Variants in ZNF577 observed in about 807,000 individuals in gnomAD.
ZNF577 encodes the protein zinc finger protein 577.
In ZNF577, 14 loss-of-function variants were observed where a neutral mutation model predicts 13.9. The observed-to-expected ratio is 1.00, with a 90% CI of 0.66 to 1.57. ZNF577 has a LOEUF of 1.57. ZNF577 is among the 40% of genes most tolerant of loss of function. ZNF577 has a pLI of 0.00. For missense variants in ZNF577, 555 were observed against 579.2 expected, an observed-to-expected ratio of 0.96 and a Z score of 0.43; for synonymous variants, 203 against 202.9, an observed-to-expected ratio of 1.00 and a Z score of 0.00.
At chr19:51,855,247 G>A (rs1193583109) in intron 5 of ZNF577, among the ~76,000 whole-genome samples, 1 of 152,078 alleles carries the variant, frequency 6.6e-6, no homozygotes, top group Non-Finnish European at 1.5e-5. Context: ...TGGCATTCCT[G>A]GAGTAATTTA....
chr19:51,845,554 T>C (rs2084347134), intron 5 of ZNF577, among the ~76,000 whole-genome samples: 1 of 152,140 alleles, frequency 6.6e-6, no homozygotes, highest in Non-Finnish European at 1.5e-5. Context: ...TGTTGTACAA[T>C]AGATCTCTTA....
rs938328525 is a variant in ZNF577 at position 51,868,131 on chromosome 19, A to G, written c.*4401T>C. Among the ~76,000 whole-genome samples, 4 of 152,154 alleles carry G rather than the reference A, an allele frequency of 2.6e-5. No homozygotes were observed. The highest frequency in any genetic ancestry group is 2.6e-4 in the Admixed American group (4 of 15,284). ...AGTTGTAGGTTTTTAAGTGTGTCAA[A>G]TTTCTTTATACATAAATCATCTTCC... On this transcript the variant is annotated 3_prime_UTR_variant, in exon 6 of 6. Transcript: ENST00000638348.
At chr19:51,829,799 G>A (rs1249224015) in intron 9 of ZNF577, among the ~76,000 whole-genome samples, 3 of 152,182 alleles carry the variant, frequency 2.0e-5, no homozygotes, top group Non-Finnish European at 4.4e-5. Context: ...CAATTTTCAA[G>A]AGCAAGTGCT....
In ZNF577 at chr19:51,870,431, C is replaced by T. The variant is rs371550650; in HGVS notation, c.*2101G>A. On this transcript the variant is annotated 3_prime_UTR_variant, in exon 6 of 6. Transcript: ENST00000638348. ...GCATGTATGCTTTGTGAGGAGAGTT[C>T]GAGGCAGCCTTTACTGTAGAGCAAA... Among the ~76,000 whole-genome samples, 15 of 152,130 alleles carry T rather than the reference C, an allele frequency of 9.9e-5. No individual in the cohort carries two copies. The South Asian group carries it at 2.7e-3, about 27-fold the overall frequency.
chr19:51,872,109 G>A lies in ZNF577; in HGVS notation c.*423C>T, dbSNP rs1010537677. On this transcript the variant is annotated 3_prime_UTR_variant, in exon 6 of 6. Transcript: ENST00000638348. Reference sequence around the variant, plus strand: ...CAAGACTCTCAAGACATAAAAGTATGATACATGAGTTAATTTGGTGAGTTG... The same window carrying A: ...CAAGACTCTCAAGACATAAAAGTATAATACATGAGTTAATTTGGTGAGTTG... 6.3e-6 allele frequency: 1 copy of A among 157,640 alleles called. No individual in the cohort carries two copies. The highest frequency in any genetic ancestry group is 1.4e-5 in the Non-Finnish European group (1 of 71,872). 9.8% of individuals were successfully genotyped at this position (157,640 alleles called of 1,614,324 possible). A position where few individuals can be genotyped will look rare whatever the true frequency, so the allele number is the denominator to read the frequency against.
At position 51,868,163 on chromosome 19, in the gene ZNF577, T is replaced by G. The variant is rs1304685199; in HGVS notation, c.*4369A>C. 6.6e-6 allele frequency among the ~76,000 whole-genome samples: 1 copy of G among 152,198 alleles called. No individual in the cohort carries two copies. Among genetic ancestry groups the G allele is most frequent in the Non-Finnish European group, 1.5e-5 (1 of 68,026 alleles). On this transcript the variant is annotated 3_prime_UTR_variant, in exon 6 of 6. Transcript: ENST00000638348. ...TATACATAAATCATCTTCCCACTTG[T>G]AATAGAAGTTCTTTTTAAAAGTTGC...
intron 5 of ZNF577, chr19:51,844,970 A>G (rs2084342738): frequency 1.3e-5 from 2 of 152,244 alleles, no homozygotes; most frequent in African/African-American, 2.4e-5. Flanking sequence ...AAGTAGAAAT[A>G]ATAAAGAGCA....
Position 51,872,868 on chromosome 19 carries a change from T to C in ZNF577, c.1122A>G (p.Lys374=), listed in dbSNP as rs145419195. The C allele has an allele frequency of 5.6e-6, 9 of 1,614,078 alleles. No homozygotes were observed. Among genetic ancestry groups the C allele is most frequent in the Non-Finnish European group, 7.6e-6 (9 of 1,180,042 alleles). ...TTATGGCTGTCTCTCTTATGTGAGT[T>C]TTCTCATGTTTAATGAGGACTGACA... ...AHMSVLIKHE[K]THIRETAINS... is the part of the protein sequence containing the mutation. Residue 374 remains lysine, a synonymous_variant, in exon 6 of 6, where the codon AAA becomes AAG. Coordinates refer to ENST00000638348, the MANE Select transcript of ZNF577 (RefSeq NM_001370449.1).
chr19:51,824,631 A>G lies in ZNF577; in HGVS notation c.*600-12957T>C, dbSNP rs761055933. ...AACAAGCTCCTTGGCCTTTTTTAACAGCTGCCTCAACCCAATTCTCTACGT... is the reference window on the plus strand; with the variant it reads ...AACAAGCTCCTTGGCCTTTTTTAACGGCTGCCTCAACCCAATTCTCTACGT... On this transcript the variant is annotated intron_variant and NMD_transcript_variant, in intron 9 of 10. Coordinates refer to the ZNF577 transcript ENST00000638827. This position sits in a 1 kb window ranked among gnomAD's most constrained non-coding sequence, Gnocchi z 4.7. 4 of 1,614,134 alleles carry G rather than the reference A, an allele frequency of 2.5e-6. No homozygotes were observed. The East Asian group carries it at 6.7e-5, about 27-fold the overall frequency.
intron 9 of ZNF577, among the ~76,000 whole-genome samples, chr19:51,837,295 T>G (rs958386687): frequency 2.6e-5 from 4 of 152,154 alleles, no homozygotes; most frequent in Non-Finnish European, 1.5e-5. Flanking sequence ...TTCTTATTGG[T>G]TAACACAGCT....
chr19:51,874,197 G>A (rs1003873341), intron 5 of ZNF577, among the ~76,000 whole-genome samples: 4 of 152,158 alleles, frequency 2.6e-5, no homozygotes, highest in Admixed American at 1.3e-4. Flanking sequence ...AATAGATGGA[G>A]GGGATGGATG....
At chr19:51,808,028 C>G (rs1461711564) in intron 10 of ZNF577, among the ~76,000 whole-genome samples, 1 of 152,184 alleles carries the variant, frequency 6.6e-6, no homozygotes, top group Non-Finnish European at 1.5e-5. Flanking sequence ...GAAGAATAAA[C>G]AAAAGCAAAG....
At chr19:51,855,340 C>A (rs1019683601) in intron 5 of ZNF577, among the ~76,000 whole-genome samples, 1 of 149,668 alleles carries the variant, frequency 6.7e-6, no homozygotes, top group Non-Finnish European at 1.5e-5. Context: ...TTTCTCTGAG[C>A]AAGTTTTCCA....
chr19:51,848,417 G>C (rs1344848332), intron 5 of ZNF577, among the ~76,000 whole-genome samples: 1 of 152,174 alleles, frequency 6.6e-6, no homozygotes, highest in African/African-American at 2.4e-5. Flanking sequence ...ATCACTATGT[G>C]GAAGAGGTAT....
Position 51,824,523 on chromosome 19 carries a change from C to T in ZNF577, c.*600-12849G>A. The T allele has an allele frequency of 6.2e-7, 1 of 1,614,100 alleles. No homozygotes were observed. The highest frequency in any genetic ancestry group is 2.2e-5 in the East Asian group (1 of 44,866). ...CTTCATCTGTTGGTTCCCTTATGAA[C>T]TAATTGGCATTCTAATGGCAGTCTG... is the stretch of plus-strand genomic sequence containing the variant. On this transcript the variant is annotated intron_variant and NMD_transcript_variant, in intron 9 of 10. Transcript: ENST00000638827. The surrounding 1 kb of genome is among the most constrained non-coding windows in gnomAD (Gnocchi z 4.7).
intron 5 of ZNF577, among the ~76,000 whole-genome samples, chr19:51,859,035 G>A (rs1206399300): frequency 2.6e-5 from 4 of 152,034 alleles, no homozygotes; most frequent in African/African-American, 9.7e-5. Context: ...CCACTAATTT[G>A]CTTTATTTCT....
rs551551659 is a variant in ZNF577 at position 51,857,836 on chromosome 19, T to A, written c.284-12905A>T. ...CATGTGCTGCTTTCAAATCTAAGAT[T>A]ATTATTTTAAAATTTTTTGTAGAGA... On this transcript the variant is annotated intron_variant and NMD_transcript_variant, in intron 5 of 10. Transcript: ENST00000638827. Among the ~76,000 whole-genome samples the A allele has an allele frequency of 2.6e-5, 4 of 152,202 alleles. No individual in the cohort carries two copies. The South Asian group carries it at 8.3e-4, about 32-fold the overall frequency.
chr19:51,865,377 G>T (rs746359237), downstream of ZNF577, among the ~76,000 whole-genome samples: 1 of 144,944 alleles, frequency 6.9e-6, no homozygotes, highest in African/African-American at 2.8e-5. Flanking sequence ...GATTACACAC[G>T]TGAGCCACCA....
intron 9 of ZNF577, among the ~76,000 whole-genome samples, chr19:51,816,032 AC>A (rs773761930): frequency 1.8e-4 from 27 of 150,152 alleles, no homozygotes; most frequent in East Asian, 7.9e-4. Flanking sequence ...GCACCACTAC[AC>A]CCCAGACTGG....
Sources: gnomAD v4.1 joint callset for allele counts (sites outside exome capture counted in the v4.1 genomes callset) on GRCh38, gnomAD v4.1.1 for gene constraint, Gnocchi (gnomAD v3.1) non-coding constraint, MANE v1.5 for transcripts, NCBI Gene and HGNC (gene_info 2026-07-23, HGNC 2026-07-21) for gene names.